The following FBXW4 variants were observed in gnomAD, a reference collection of about 807,000 sequenced individuals.
FBXW4 encodes F-box/WD repeat-containing protein 4.
FBXW4 carries 40 observed loss-of-function variants against 61.8 expected under a neutral mutation model. The observed-to-expected ratio is 0.65, with a 90% CI of 0.50 to 0.84. The LOEUF (loss-of-function observed/expected upper bound fraction) is 0.84. Ranked by LOEUF, FBXW4 falls within the 40% of genes least tolerant of loss-of-function variation. The probability of loss-of-function intolerance (pLI) is 0.00; values close to 1 mark genes in which losing one functional copy is unlikely to be tolerated. For missense variants in FBXW4, 672 were observed against 753.8 expected (o/e 0.89, Z 1.27); for synonymous variants, 311 against 313.8 (o/e 0.99, Z 0.10).
Position 101,673,596 on chromosome 10 carries a change from C to T in FBXW4, c.899G>A (p.Arg300His), listed in dbSNP as rs770806032. ...ACGATTCAAGCTGGCACCATCTGGA[C>T]GGAACTGGTAGGCCAGGATGAAATT... is the stretch of plus-strand genomic sequence containing the variant. ...QANFILAYQF[R>H]PDGASLNRRP... is the part of the protein sequence containing the mutation. Residue 300 changes from arginine (R) to histidine (H), a missense_variant, in exon 3 of 9, where the codon CGT (arginine) becomes CAT (histidine). Coordinates refer to ENST00000331272, the MANE Select transcript of FBXW4 (RefSeq NM_022039.4). 141 of 1,613,844 alleles carry T rather than the reference C, an allele frequency of 8.7e-5. No homozygotes were observed. The highest frequency in any genetic ancestry group is 4.9e-4 in the Middle Eastern group (3 of 6,078).
chr10:101,634,044 G>A (rs1244746989), intron 5 of FBXW4, among the ~76,000 whole-genome samples: 2 of 151,834 alleles, frequency 1.3e-5, no homozygotes, highest in African/African-American at 4.8e-5. Context: ...AACTGGGAGA[G>A]GGAGGTTGTA....
intron 1 of FBXW4, among the ~76,000 whole-genome samples, chr10:101,685,778 A>G (rs1467555921): frequency 6.6e-6 from 1 of 152,246 alleles, no homozygotes; most frequent in Non-Finnish European, 1.5e-5. Context: ...CTTTAACACA[A>G]AAAGTGAGAA....
In FBXW4 at chr10:101,694,823, C is replaced by A. The variant is rs1241948937; in HGVS notation, c.283G>T (p.Ala95Ser). ...TCGACTCCCTTGACGATGCCTCTCG[C>A]CCCTTCCTCCACGCTTCTGCCTCCC... ...AEGGRSVEEGARGIVKGVEGS... is the reference protein window; with the variant it reads ...AEGGRSVEEGSRGIVKGVEGS... The change falls in exon 1 of 9, where the codon GCG (alanine) becomes TCG (serine). Residue 95 changes from alanine to serine, a missense_variant. By Grantham distance (99) the Ala-to-Ser change is moderately conservative (BLOSUM62 1). Around this residue, in one of 5 missense-constraint regions of FBXW4, gnomAD observed 311 missense variants for 301.1 expected, o/e 1.03. Transcript: ENST00000331272. This position sits in a 1 kb window ranked among gnomAD's most constrained non-coding sequence, Gnocchi z 6.0. 1.3e-5 allele frequency: 17 copies of A among 1,310,626 alleles called. No homozygotes were observed. Among genetic ancestry groups the A allele is most frequent in the Middle Eastern group, 2.8e-4 (1 of 3,610 alleles). 81.2% of individuals were successfully genotyped at this position (1,310,626 alleles called of 1,614,324 possible).
At chr10:101,678,795 A>C (rs749866092) in intron 1 of FBXW4, among the ~76,000 whole-genome samples, 72 of 152,322 alleles carry the variant, frequency 4.7e-4, no homozygotes, top group Admixed American at 9.2e-4. Flanking sequence ...AAAAGCCAGC[A>C]AGCAAGTCCA....
chr10:101,635,498 C>T (rs1249517962), intron 5 of FBXW4, among the ~76,000 whole-genome samples: 1 of 151,698 alleles, frequency 6.6e-6, no homozygotes, highest in East Asian at 1.9e-4. Context: ...ATGTTGGGGA[C>T]TGCTGATATA....
chr10:101,613,459 A>G (rs2063803744), intron 6 of FBXW4, among the ~76,000 whole-genome samples: 1 of 152,238 alleles, frequency 6.6e-6, no homozygotes, highest in Non-Finnish European at 1.5e-5. Flanking sequence ...GGCTTTCCCC[A>G]TGCCATGACA....
At chr10:101,661,469 ACT>A (rs2064244316) in intron 5 of FBXW4, among the ~76,000 whole-genome samples, 1 of 152,166 alleles carries the variant, frequency 6.6e-6, no homozygotes, top group African/African-American at 2.4e-5. Context: ...AGGGCACTGT[ACT>A]GAGATTTAGC....
chr10:101,646,395 G>A (rs1014505503), intron 5 of FBXW4, among the ~76,000 whole-genome samples: 3 of 152,192 alleles, frequency 2.0e-5, no homozygotes, highest in Non-Finnish European at 2.9e-5. Context: ...CCTACCATTA[G>A]CCTGCTGGCT....
intron 6 of FBXW4, among the ~76,000 whole-genome samples, chr10:101,615,818 C>T (rs2063823107): frequency 6.6e-6 from 1 of 152,160 alleles, no homozygotes; most frequent in East Asian, 1.9e-4. Context: ...CTGGACTGGG[C>T]ACAGGGGGCA....
At chr10:101,692,614 G>C (rs2064619364) in intron 1 of FBXW4, among the ~76,000 whole-genome samples, 1 of 151,836 alleles carries the variant, frequency 6.6e-6, no homozygotes, top group South Asian at 2.1e-4. Flanking sequence ...AATTAGCTGG[G>C]TGTGGTGGTG....
intron 5 of FBXW4, among the ~76,000 whole-genome samples, chr10:101,661,276 G>C (rs1252574329): frequency 6.6e-6 from 1 of 152,176 alleles, no homozygotes; most frequent in Admixed American, 6.5e-5. Context: ...GGCTCGGAGA[G>C]TGCTGGTCTC....
chr10:101,672,996 G>A lies in FBXW4; in HGVS notation c.1059C>T (p.Tyr353=), dbSNP rs748844314. ...HKIHSTFTVK[Y]SAHEQEVNCV... is the part of the protein sequence containing the mutation. Reference sequence around the variant, plus strand: ...AGTTCACCTCCTGTTCATGAGCCGAGTACTTGACAGTGAAGGTGCTGTGAA... The same window carrying A: ...AGTTCACCTCCTGTTCATGAGCCGAATACTTGACAGTGAAGGTGCTGTGAA... Residue 353 remains tyrosine (Y), a synonymous_variant, in exon 4 of 9, where the codon TAC becomes TAT. Coordinates refer to ENST00000331272, the MANE Select transcript of FBXW4 (RefSeq NM_022039.4). 5 of 1,614,026 alleles carry A rather than the reference G, an allele frequency of 3.1e-6. No homozygotes were observed. The South Asian group carries it at 4.4e-5, about 14-fold the overall frequency.
intron 6 of FBXW4, among the ~76,000 whole-genome samples, chr10:101,617,542 T>G (rs2063835102): frequency 6.6e-6 from 1 of 152,140 alleles, no homozygotes; most frequent in Non-Finnish European, 1.5e-5. Flanking sequence ...GGAAGGGCCT[T>G]CTCAAGCATA....
chr10:101,634,832 A>C (rs74233238), intron 5 of FBXW4, among the ~76,000 whole-genome samples: 5,207 of 149,620 alleles, frequency 0.035, 424 homozygotes, highest in East Asian at 0.11. Flanking sequence ...TTGGAAAGAC[A>C]TTCTTAAGAT....
At position 101,689,438 on chromosome 10, in the gene FBXW4, A is replaced by G. The variant is rs537798583; in HGVS notation, c.725+4943T>C. ...TCCACAGGTGTACTGTTTTATTTTG[A>G]ACCTGTAAACTAAACTCTATTTTAT... On this transcript the variant is annotated intron_variant, in intron 1 of 8. Transcript: ENST00000331272. 2.6e-5 allele frequency among the ~76,000 whole-genome samples: 4 copies of G among 152,336 alleles called. No homozygotes were observed. The South Asian group carries it at 8.3e-4, about 32-fold the overall frequency.
At chr10:101,659,500 G>A (rs1452840705) in intron 5 of FBXW4, 3 of 857,430 alleles carry the variant, frequency 3.5e-6, no homozygotes, top group Admixed American at 1.2e-4. Flanking sequence ...ACCAGCAGTG[G>A]GAAAACTAAG....
intron 1 of FBXW4, among the ~76,000 whole-genome samples, chr10:101,679,580 G>A (rs1349903828): frequency 6.6e-6 from 1 of 152,126 alleles, no homozygotes; most frequent in Non-Finnish European, 1.5e-5. Context: ...TTCATGAGAA[G>A]GAAAGGAGAG....
intron 6 of FBXW4, among the ~76,000 whole-genome samples, chr10:101,617,048 C>T (rs1029645542): frequency 3.3e-5 from 5 of 152,278 alleles, no homozygotes; most frequent in Non-Finnish European, 5.9e-5. Flanking sequence ...CCAGATGAGA[C>T]GGCTGCTTAG....
chr10:101,625,815 G>A (rs937671393), intron 5 of FBXW4: 1 of 152,278 alleles, frequency 6.6e-6, no homozygotes, highest in Non-Finnish European at 1.5e-5. Flanking sequence ...TCTTTCATGG[G>A]GGGGAAGGAA....
Sources: gnomAD v4.1 joint callset for allele counts (sites outside exome capture counted in the v4.1 genomes callset) on GRCh38, gnomAD v4.1.1 for gene constraint, gnomAD v4.1.1 regional missense constraint, Gnocchi (gnomAD v3.1) non-coding constraint, MANE v1.5 for transcripts, NCBI Gene and HGNC (gene_info 2026-07-23, HGNC 2026-07-21) for gene names.